Variants in DSE observed in about 807,000 individuals in gnomAD.
DSE encodes dermatan-sulfate epimerase.
A neutral mutation model predicts 84.4 loss-of-function variants in DSE; 36 were observed. The observed-to-expected ratio is 0.43, with a 90% CI of 0.33 to 0.56. The LOEUF is 0.56. Ranked by LOEUF, DSE falls within the 20% of genes least tolerant of loss-of-function variation. The pLI, the probability that DSE is intolerant of heterozygous loss-of-function variation, is 0.06. For missense variants in DSE, 862 were observed against 1,169.6 expected (o/e 0.74, Z 3.84); for synonymous variants, 410 against 430.1 (o/e 0.95, Z 0.58).
At chr6:116,279,501 G>A in intron 2 of DSE, 2 of 1,610,726 alleles carry the variant, frequency 1.2e-6, no homozygotes, top group Non-Finnish European at 1.7e-6. Context: ...CCACAGAAGC[G>A]GCTGCCAGGC....
At chr6:116,270,941 C>T (rs1772852531) in intron 2 of DSE, among the ~76,000 whole-genome samples, 1 of 152,138 alleles carries the variant, frequency 6.6e-6, no homozygotes, top group East Asian at 1.9e-4. Context: ...GATAGTGACA[C>T]TGCAACTACA....
intron 2 of DSE, among the ~76,000 whole-genome samples, chr6:116,360,571 A>G (rs9481633): frequency 0.017 from 2,563 of 150,966 alleles, 71 homozygotes; most frequent in African/African-American, 0.059. Flanking sequence ...GAATTTACCA[A>G]TTTAGTGTTA....
At chr6:116,259,148 C>T (rs890434868) in intron 2 of DSE, 12 of 1,077,234 alleles carry the variant, frequency 1.1e-5, no homozygotes, top group East Asian at 2.5e-5. Context: ...CTCTGTTGCT[C>T]GACGTAGACC....
intron 2 of DSE, among the ~76,000 whole-genome samples, chr6:116,262,019 G>A (rs756217615): frequency 6.6e-6 from 1 of 152,126 alleles, no homozygotes; most frequent in Non-Finnish European, 1.5e-5. Context: ...GAGGACTTTT[G>A]CATTGATGTT....
chr6:116,304,314 C>G (rs1046065879), intron 2 of DSE, among the ~76,000 whole-genome samples: 2 of 152,096 alleles, frequency 1.3e-5, no homozygotes, highest in African/African-American at 4.8e-5. Flanking sequence ...GCCCACTTTT[C>G]AAATACCTTT....
At chr6:116,295,914 A>G (rs1005005246) in intron 2 of DSE, among the ~76,000 whole-genome samples, 1 of 152,240 alleles carries the variant, frequency 6.6e-6, no homozygotes, top group Non-Finnish European at 1.5e-5. Context: ...TATGATTATC[A>G]TAAACCAATA....
intron 1 of DSE, among the ~76,000 whole-genome samples, chr6:116,384,025 G>A (rs1454623665): frequency 6.6e-6 from 1 of 152,124 alleles, no homozygotes; most frequent in Non-Finnish European, 1.5e-5. Flanking sequence ...AAAGTTAATA[G>A]TACAGAAAGA....
intron 2 of DSE, among the ~76,000 whole-genome samples, chr6:116,293,278 C>CT (rs5879371): frequency 0.023 from 3,316 of 144,266 alleles, 99 homozygotes; most frequent in South Asian, 0.056. Context: ...TTCTTTTTTT[C>CT]TTTTTTTTTT....
At chr6:116,378,234 G>A (rs1424554183) in intron 1 of DSE, among the ~76,000 whole-genome samples, 1 of 152,174 alleles carries the variant, frequency 6.6e-6, no homozygotes, top group African/African-American at 2.4e-5. Flanking sequence ...TATCCTTTAG[G>A]ATGGATTTCT....
intron 4 of DSE, chr6:116,432,925 G>A (rs1783935375): frequency 5.6e-6 from 1 of 178,240 alleles, no homozygotes; most frequent in South Asian, 1.2e-4. Flanking sequence ...ACTGAAGCAT[G>A]TTATTTTATT....
chr6:116,381,114 T>C (rs1047864151), intron 1 of DSE, among the ~76,000 whole-genome samples: 10 of 152,188 alleles, frequency 6.6e-5, no homozygotes, highest in African/African-American at 1.2e-4. Flanking sequence ...TCAAAGAATA[T>C]TGAGCAATGC....
chr6:116,412,802 G>T (rs1164180551), intron 2 of DSE: 1 of 151,796 alleles, frequency 6.6e-6, no homozygotes, highest in Non-Finnish European at 1.5e-5. Flanking sequence ...TGACACCCAG[G>T]TAGTAAGCAT....
Position 116,436,676 on chromosome 6 carries a change from G to A in DSE, c.2208G>A (p.Lys736=). ...AGAGCAGCATTGTCCCTGAGGTGAA[G>A]GACTATGCTGCTATTGTGGAACAGA... ...AIKSSIVPEV[K]DYAAIVEQNL... Residue 736 remains lysine (K), a synonymous_variant, in exon 6 of 6, where the codon AAG becomes AAA. Coordinates refer to ENST00000644252, the MANE Select transcript of DSE (RefSeq NM_013352.4). 6.2e-7 allele frequency: 1 copy of A among 1,614,176 alleles called. No individual in the cohort carries two copies. Among genetic ancestry groups the A allele is most frequent in the African/African-American group, 1.3e-5 (1 of 75,036 alleles).
At chr6:116,331,485 C>T (rs1776930903) in intron 2 of DSE, among the ~76,000 whole-genome samples, 1 of 152,076 alleles carries the variant, frequency 6.6e-6, no homozygotes, top group African/African-American at 2.4e-5. Flanking sequence ...GGGGAAATGC[C>T]CCTATGATCT....
chr6:116,258,433 C>CT (rs1229795835), intron 1 of DSE: 9 of 753,434 alleles, frequency 1.2e-5, no homozygotes, highest in African/African-American at 3.5e-5. Context: ...AATTTTTTTG[C>CT]TTTTTTTGGT....
intron 2 of DSE, among the ~76,000 whole-genome samples, chr6:116,403,149 G>A (rs1781703125): frequency 6.6e-6 from 1 of 152,078 alleles, no homozygotes; most frequent in South Asian, 2.1e-4. Flanking sequence ...AGAATGATGA[G>A]ACTAATCTAT....
chr6:116,342,152 T>G (rs191001067), intron 2 of DSE, among the ~76,000 whole-genome samples: 1 of 152,264 alleles, frequency 6.6e-6, no homozygotes, highest in African/African-American at 2.4e-5. Flanking sequence ...TTCCTGAATA[T>G]GGGTCACGTA....
chr6:116,279,995 C>A, intron 2 of DSE: 2 of 999,956 alleles, frequency 2.0e-6, no homozygotes, highest in Non-Finnish European at 3.1e-6. Context: ...TTGCTGAGCC[C>A]GGGATTGGTT....
At chr6:116,370,431 C>A, upstream of DSE, 1 of 987,628 alleles carries the variant, frequency 1.0e-6, no homozygotes. Flanking sequence ...AGAGTAAAAC[C>A]GAATTCGAGA....
Sources: allele counts gnomAD v4.1 joint callset (sites outside exome capture counted in the v4.1 genomes callset), GRCh38; gene constraint gnomAD v4.1.1; transcripts MANE v1.5; gene names NCBI Gene and HGNC (gene_info 2026-07-23, HGNC 2026-07-21).